KCNIP4: variants seen among roughly 807,000 people sequenced by gnomAD.
KCNIP4 encodes the protein potassium voltage-gated channel interacting protein 4, also known as Kv channel-interacting protein 4.
In KCNIP4, 12 loss-of-function variants were observed where a neutral mutation model predicts 34.0. The ratio of observed to expected loss-of-function variants is 0.35; its 90% confidence interval spans 0.23 to 0.57. The LOEUF is 0.57. KCNIP4 is among the 20% of genes least tolerant of loss of function. KCNIP4 has a pLI of 0.83. For missense variants in KCNIP4, 238 were observed against 311.7 expected (o/e 0.76, Z 1.78); for synonymous variants, 124 against 102.2 (o/e 1.21, Z -1.29).
intron 1 of KCNIP4, among the ~76,000 whole-genome samples, chr4:21,798,393 A>C (rs1720758927): frequency 1.3e-5 from 1 of 79,786 alleles, no homozygotes; most frequent in African/African-American, 4.7e-5. Context: ...TTCCACACAC[A>C]CAAAAAAATA....
At chr4:21,754,290 C>T (rs1315093597) in intron 1 of KCNIP4, among the ~76,000 whole-genome samples, 2 of 152,104 alleles carry the variant, frequency 1.3e-5, no homozygotes, top group Non-Finnish European at 2.9e-5. Context: ...CTCTACCTTG[C>T]TTTATTTGTC....
intron 1 of KCNIP4, among the ~76,000 whole-genome samples, chr4:21,888,480 C>T (rs1322744298): frequency 6.6e-6 from 1 of 151,946 alleles, no homozygotes; most frequent in Admixed American, 6.6e-5. Context: ...TAATGTTGCA[C>T]CCAAAGCCTT....
At chr4:21,275,488 C>T (rs920047130) in intron 1 of KCNIP4, among the ~76,000 whole-genome samples, 5 of 152,218 alleles carry the variant, frequency 3.3e-5, no homozygotes, top group Non-Finnish European at 7.3e-5. Context: ...GTTTACACTT[C>T]TAATTATGAA....
In KCNIP4 at chr4:21,902,034, T is replaced by C. The variant is rs1049412077; in HGVS notation, c.61+46537A>G. On this transcript the variant is annotated intron_variant, in intron 1 of 8. Transcript: ENST00000382152. ...GATGTTACAAACTGTGTCTGAGTCA[T>C]TGCCAAGTCATCAGCTATATTACTT... is the stretch of plus-strand genomic sequence containing the variant. Among the ~76,000 whole-genome samples the C allele has an allele frequency of 6.0e-4, 91 of 152,310 alleles. 1 individual carries two copies. The highest frequency in any genetic ancestry group is 3.2e-4 in the Non-Finnish European group (22 of 68,024).
At chr4:21,717,262 A>G (rs1164506239) in intron 1 of KCNIP4, among the ~76,000 whole-genome samples, 1 of 152,126 alleles carries the variant, frequency 6.6e-6, no homozygotes, top group East Asian at 1.9e-4. Context: ...GGGTAATATC[A>G]CCCTGGATAG....
At chr4:20,854,884 T>C (rs1721411009) in intron 2 of KCNIP4, among the ~76,000 whole-genome samples, 1 of 152,174 alleles carries the variant, frequency 6.6e-6, no homozygotes. Context: ...TGTACTTTGC[T>C]TTGTGAATTA....
chr4:20,883,969 C>G (rs1226847494), intron 1 of KCNIP4, among the ~76,000 whole-genome samples: 1 of 152,200 alleles, frequency 6.6e-6, no homozygotes, highest in Non-Finnish European at 1.5e-5. Context: ...TTTGCAGCCA[C>G]TCTCTCTGCT....
chr4:20,943,708 C>T (rs1577407051), intron 1 of KCNIP4, among the ~76,000 whole-genome samples: 1 of 152,046 alleles, frequency 6.6e-6, no homozygotes, highest in Non-Finnish European at 1.5e-5. Context: ...TAGTTTCCTC[C>T]ACTACATGAC....
intron 7 of KCNIP4, 50 bp from the exon 8 acceptor site, chr4:20,732,118 C>A: frequency 2.4e-6 from 3 of 1,276,012 alleles, no homozygotes; most frequent in East Asian, 2.3e-5. Context: ...CCTTAATACC[C>A]TCACACCTGG....
intron 1 of KCNIP4, among the ~76,000 whole-genome samples, chr4:21,746,760 A>G (rs1716809226): frequency 6.6e-6 from 1 of 152,268 alleles, no homozygotes; most frequent in Admixed American, 6.5e-5. Context: ...GCTGTTATGC[A>G]GACATTAAAA....
chr4:21,649,993 C>G (rs1342830162), intron 1 of KCNIP4, among the ~76,000 whole-genome samples: 3 of 152,212 alleles, frequency 2.0e-5, no homozygotes, highest in Admixed American at 2.0e-4. Context: ...CCTTTCCATC[C>G]TCACGTGAAA....
chr4:21,741,372 C>G (rs997062042), intron 1 of KCNIP4, among the ~76,000 whole-genome samples: 3 of 152,116 alleles, frequency 2.0e-5, no homozygotes, highest in Non-Finnish European at 4.4e-5. Flanking sequence ...GACGTTCTCA[C>G]CAGGAAATGA....
At chr4:21,557,654 T>C (rs1739180903) in intron 1 of KCNIP4, among the ~76,000 whole-genome samples, 1 of 127,294 alleles carries the variant, frequency 7.9e-6, no homozygotes, top group African/African-American at 3.0e-5. Flanking sequence ...ATTCATCTAC[T>C]CTCTGGCCCA....
At chr4:20,923,594 AAGATT>A (rs1402781862) in intron 1 of KCNIP4, among the ~76,000 whole-genome samples, 1 of 152,174 alleles carries the variant, frequency 6.6e-6, no homozygotes, top group Non-Finnish European at 1.5e-5. Flanking sequence ...AATGAAGCAA[AAGATT>A]ATATACTAGA....
At chr4:20,856,796 G>C (rs937364221) in intron 2 of KCNIP4, among the ~76,000 whole-genome samples, 5 of 152,018 alleles carry the variant, frequency 3.3e-5, no homozygotes, top group Admixed American at 2.0e-4. Flanking sequence ...AAAGTAGAGG[G>C]GATTTTAATT....
At chr4:20,979,105 C>T (rs1735776460) in intron 1 of KCNIP4, among the ~76,000 whole-genome samples, 1 of 152,142 alleles carries the variant, frequency 6.6e-6, no homozygotes, top group South Asian at 2.1e-4. Context: ...TTTTAAGTTC[C>T]TTCCACTATA....
chr4:21,800,918 CA>C (rs1720950857), intron 1 of KCNIP4, among the ~76,000 whole-genome samples: 1 of 152,156 alleles, frequency 6.6e-6, no homozygotes, highest in African/African-American at 2.4e-5. Flanking sequence ...TAACATTTGC[CA>C]ACGTTTCTCA....
rs188098774 is a variant in KCNIP4, at chr4:20,873,735, C to T, written c.163+8873G>A. Among the ~76,000 whole-genome samples, 39 of 152,308 alleles carry T rather than the reference C, an allele frequency of 2.6e-4. 1 individual carries two copies. The highest frequency in any genetic ancestry group is 8.9e-4 in the African/African-American group (37 of 41,574). ...CCAGACAAGATGAAAAATCACTCCT[C>T]AACTTAAAAACCTAACTTAAAATCC... On this transcript the variant is annotated intron_variant, in intron 2 of 8. Transcript: ENST00000382152.
At chr4:21,425,051 G>A (rs1725818422) in intron 1 of KCNIP4, among the ~76,000 whole-genome samples, 1 of 152,130 alleles carries the variant, frequency 6.6e-6, no homozygotes, top group Admixed American at 6.5e-5. Context: ...ATATGATGGG[G>A]GAAGGGACAT....
Sources: allele counts gnomAD v4.1 joint callset (sites outside exome capture counted in the v4.1 genomes callset), GRCh38; gene constraint gnomAD v4.1.1; transcripts MANE v1.5; gene names NCBI Gene and HGNC (gene_info 2026-07-23, HGNC 2026-07-21).